The following STAB1 variants were observed in gnomAD, a reference collection of about 807,000 sequenced individuals.
STAB1 encodes the protein stabilin 1.
Under a neutral mutation model 332.4 loss-of-function variants are expected in STAB1, and 250 were observed. The observed-to-expected ratio is 0.75, with a 90% CI of 0.68 to 0.84. STAB1 has a LOEUF of 0.84. Among genes scored for constraint, STAB1 ranks in the 40% least tolerant of loss-of-function variants. The probability of loss-of-function intolerance (pLI) is 0.00; values close to 1 mark genes in which losing one functional copy is unlikely to be tolerated. For synonymous variants in STAB1, 1,475 were observed against 1,390.4 expected (o/e 1.06, Z -1.35); for missense variants, 3,249 against 3,489.7 (o/e 0.93, Z 1.74).
Position 52,504,509 on chromosome 3 carries a change from T to C in STAB1, c.1199T>C (p.Leu400Pro). 2.5e-6 allele frequency: 4 copies of C among 1,614,094 alleles called. No homozygotes were observed. The highest frequency in any genetic ancestry group is 3.4e-6 in the Non-Finnish European group (4 of 1,180,016). ...ACCACAGCGGGCCCTTTCACCGTGC[T>C]GGTGCCATCCGTCTCCTCCTTCTCC... is the stretch of plus-strand genomic sequence containing the variant. Reference protein sequence around the residue: ...ILTTAGPFTVLVPSVSSFSSR... With the variant: ...ILTTAGPFTVPVPSVSSFSSR... The change falls in exon 11 of 69, where the codon CTG (leucine) becomes CCG (proline). Residue 400 changes from leucine (L) to proline (P), a missense_variant. Leu to Pro is a moderately conservative substitution (Grantham distance 98, BLOSUM62 -3). Transcript: ENST00000321725.
In STAB1 at chr3:52,515,436, A is replaced by G; in HGVS notation, c.3878A>G (p.Lys1293Arg). 1 of 1,612,748 alleles carries G rather than the reference A, an allele frequency of 6.2e-7. No individual in the cohort carries two copies. The highest frequency in any genetic ancestry group is 1.7e-5 in the Admixed American group (1 of 60,022). The change falls in exon 37 of 69, where the codon AAG becomes AGG. Residue 1293 changes from lysine to arginine, a missense_variant. Coordinates refer to ENST00000321725, the MANE Select transcript of STAB1 (RefSeq NM_015136.3). The stretch of plus-strand genomic sequence containing the variant: ...CCCCGTTTCCAGGACACACCCAGGA[A>G]GAGCTGTGTCTACCGATCTGGCTTC... The part of the protein sequence containing the change: ...QGFQLQDTPR[K>R]SCVYRSGFSF...
Position 52,503,824 on chromosome 3 carries a change from C to T in STAB1, c.944C>T (p.Ala315Val), listed in dbSNP as rs376491747. The T allele has an allele frequency of 7.2e-5, 116 of 1,613,132 alleles. No homozygotes were observed. Among genetic ancestry groups the T allele is most frequent in the Non-Finnish European group, 9.2e-5 (109 of 1,180,036 alleles). ...GLVSINSNAS[A>V]GCFAFCSPFS... ...GTCAGCATCAACAGCAACGCTTCTG[C>T]GGGCTGCTTCGCCTTCTGCTCCCCC... The change falls in exon 9 of 69, where the codon GCG becomes GTG. Residue 315 changes from alanine to valine, a missense_variant. Coordinates refer to ENST00000321725, the MANE Select transcript of STAB1 (RefSeq NM_015136.3).
In STAB1 at chr3:52,524,245, G is replaced by A. The variant is rs550962280; in HGVS notation, c.7656+32G>A. 5.0e-6 allele frequency: 8 copies of A among 1,614,026 alleles called. No homozygotes were observed. In the African/African-American group the frequency reaches 6.7e-5, roughly 13 times the overall value. On this transcript the variant is annotated intron_variant, in intron 68 of 68. Coordinates refer to ENST00000321725, the MANE Select transcript of STAB1 (RefSeq NM_015136.3). ...ATGGAAGTGAAGAAGTGTGGCAGATGTGGGATGGGCCCAGGCCCTGGTCAC... is the reference window on the plus strand; with the variant it reads ...ATGGAAGTGAAGAAGTGTGGCAGATATGGGATGGGCCCAGGCCCTGGTCAC...
At chr3:52,517,253 G>A in intron 42 of STAB1, 67 bp from the exon 43 acceptor site, 1 of 1,494,554 alleles carries the variant, frequency 6.7e-7, no homozygotes, top group Non-Finnish European at 9.0e-7. Flanking sequence ...GACAGATGAA[G>A]GTACAAAGGA....
Position 52,523,299 on chromosome 3 carries a change from G to T in STAB1, c.7098G>T (p.Lys2366Asn), listed in dbSNP as rs1553681980. The T allele has an allele frequency of 6.2e-7, 1 of 1,612,384 alleles. No homozygotes were observed. The highest frequency in any genetic ancestry group is 8.5e-7 in the Non-Finnish European group (1 of 1,180,020). ...TCCTGGATGATGAGCTCACGTATAAGACACTCTTCGTCCCTGTCAATGAAG... is the reference window on the plus strand; with the variant it reads ...TCCTGGATGATGAGCTCACGTATAATACACTCTTCGTCCCTGTCAATGAAG... ...LDFLDDELTY[K>N]TLFVPVNEGF... The change falls in exon 64 of 69, where the codon AAG (lysine) becomes AAT (asparagine). Residue 2366 changes from lysine to asparagine, a missense_variant. Transcript: ENST00000321725.
chr3:52,507,425 A>G (rs1185852633), intron 18 of STAB1, among the ~76,000 whole-genome samples, 188 bp from the exon 19 acceptor site: 1 of 152,162 alleles, frequency 6.6e-6, no homozygotes, highest in Non-Finnish European at 1.5e-5. Flanking sequence ...GCTGTTTTCC[A>G]GAGACTCTAG....
At chr3:52,498,276 G>A (rs188672124) in intron 1 of STAB1, among the ~76,000 whole-genome samples, 21 of 152,340 alleles carry the variant, frequency 1.4e-4, no homozygotes, top group Middle Eastern at 3.4e-3. Context: ...GTGGGGTTGG[G>A]GGGGAGACAG....
Position 52,513,922 on chromosome 3 carries a change from G to A in STAB1, c.3388G>A (p.Gly1130Arg). The stretch of plus-strand genomic sequence containing the variant: ...CCGAGGGGATGTGCCCGGTGGGCAG[G>A]GGTTGCTGCAGCAGCTGGACTTGGT... ...PPRGDVPGGQ[G>R]LLQQLDLVPA... Residue 1130 changes from glycine to arginine, a missense_variant, in exon 32 of 69, where the codon GGG becomes AGG. Physicochemically the swap from Gly to Arg is moderately radical, Grantham distance 125. Transcript: ENST00000321725. 2.5e-6 allele frequency: 4 copies of A among 1,605,928 alleles called. No homozygotes were observed. Among genetic ancestry groups the A allele is most frequent in the Non-Finnish European group, 3.4e-6 (4 of 1,174,466 alleles).
At position 52,523,939 on chromosome 3, in the gene STAB1, A is replaced by G. The variant is rs1352665013; in HGVS notation, c.7464A>G (p.Ala2488=). 1.9e-6 allele frequency: 3 copies of G among 1,610,530 alleles called. No individual in the cohort carries two copies. In the South Asian group the frequency reaches 3.3e-5, roughly 18 times the overall value. Residue 2488 remains alanine, a synonymous_variant, in exon 67 of 69, where the codon GCA becomes GCG. Coordinates refer to ENST00000321725, the MANE Select transcript of STAB1 (RefSeq NM_015136.3). ...AGVGAVLAAG[A]LLGLVAGALY... is the part of the protein sequence containing the mutation. ...TGGGGGCTGTGCTTGCCGCTGGAGCACTGCTTGGCTTGGTGGCCGGAGCTC... is the reference window on the plus strand; with the variant it reads ...TGGGGGCTGTGCTTGCCGCTGGAGCGCTGCTTGGCTTGGTGGCCGGAGCTC...
intron 25 of STAB1, 22 bp from the exon 26 acceptor site, chr3:52,511,628 C>A: frequency 6.3e-7 from 1 of 1,594,730 alleles, no homozygotes. Context: ...GAGACAAGGC[C>A]GTCTGTTCCT....
At chr3:52,500,543 G>C (rs1201870938) in intron 1 of STAB1, among the ~76,000 whole-genome samples, 1 of 152,250 alleles carries the variant, frequency 6.6e-6, no homozygotes, top group Non-Finnish European at 1.5e-5. Flanking sequence ...TCATTTGGTA[G>C]CAACGTGGGA....
chr3:52,496,495 T>A (rs1708036247), intron 1 of STAB1, among the ~76,000 whole-genome samples: 1 of 152,206 alleles, frequency 6.6e-6, no homozygotes, highest in African/African-American at 2.4e-5. Flanking sequence ...TTCTCTTGGA[T>A]GCCTGTGGTC....
At position 52,515,495 on chromosome 3, in the gene STAB1, A is replaced by G. The variant is rs372233923; in HGVS notation, c.3937A>G (p.Lys1313Glu). 1 of 1,613,246 alleles carries G rather than the reference A, an allele frequency of 6.2e-7. No individual in the cohort carries two copies. Among genetic ancestry groups the G allele is most frequent in the Non-Finnish European group, 8.5e-7 (1 of 1,180,006 alleles). Reference protein sequence around the residue: ...FSRGCSYTCAKKIQVPDCCPG... With the variant: ...FSRGCSYTCAEKIQVPDCCPG... ...CCGGGGCTGCTCTTACACATGTGCC[A>G]AGAAGATCCAGGTTTGCCCTGAAGC... The change falls in exon 37 of 69, where the codon AAG (lysine) becomes GAG (glutamate). Residue 1313 changes from lysine to glutamate, a missense_variant. Coordinates refer to ENST00000321725, the MANE Select transcript of STAB1 (RefSeq NM_015136.3).
chr3:52,521,907 G>T lies in STAB1; in HGVS notation c.6227G>T (p.Cys2076Phe). The change falls in exon 58 of 69, where the codon TGT becomes TTT. Residue 2076 changes from cysteine to phenylalanine, a missense_variant. Physicochemically the swap from Cys to Phe is radical, Grantham distance 205. Coordinates refer to ENST00000321725, the MANE Select transcript of STAB1 (RefSeq NM_015136.3). Reference sequence around the variant, plus strand: ...GCTGTGTGCCGTGCAGGCAACAGCTGTGAGTGCAGCCTGGGCTATGAAGGG... The same window carrying T: ...GCTGTGTGCCGTGCAGGCAACAGCTTTGAGTGCAGCCTGGGCTATGAAGGG... ...PEAVCRAGNS[C>F]ECSLGYEGDG... 6.2e-7 allele frequency: 1 copy of T among 1,609,370 alleles called. No individual in the cohort carries two copies.
intron 37 of STAB1, 81 bp from the exon 38 acceptor site, chr3:52,515,962 G>T: frequency 6.9e-7 from 1 of 1,440,798 alleles, no homozygotes. Context: ...TGGCTCTGTG[G>T]CCCCGAGATG....
chr3:52,520,937 A>C lies in STAB1; in HGVS notation c.5840A>C (p.His1947Pro). 1 of 1,590,720 alleles carries C rather than the reference A, an allele frequency of 6.3e-7. No individual in the cohort carries two copies. Among genetic ancestry groups the C allele is most frequent in the Non-Finnish European group, 8.6e-7 (1 of 1,168,412 alleles). The change falls in exon 55 of 69, where the codon CAC becomes CCC. Residue 1947 changes from histidine (H) to proline (P), a missense_variant. Physicochemically the swap from His to Pro is moderately conservative, Grantham distance 77. Coordinates refer to ENST00000321725, the MANE Select transcript of STAB1 (RefSeq NM_015136.3). ...CCCCAAGGCCTGGGCAGGGGCTGCC[A>C]CCGCAATTGTGTCACCACCACCTGG... Reference protein sequence around the residue: ...GRPQGLGRGCHRNCVTTTWKP... With the variant: ...GRPQGLGRGCPRNCVTTTWKP...
intron 1 of STAB1, among the ~76,000 whole-genome samples, chr3:52,497,406 C>G (rs1195261871): frequency 6.9e-6 from 1 of 144,076 alleles, no homozygotes; most frequent in Non-Finnish European, 1.5e-5. Context: ...GAATTCGATG[C>G]CTTTTTTTTT....
intron 30 of STAB1, 124 bp downstream of exon 30, chr3:52,513,365 A>T: frequency 3.2e-6 from 3 of 931,104 alleles, no homozygotes; most frequent in Non-Finnish European, 4.8e-6. Flanking sequence ...CGCCCTGCCC[A>T]GAGCCGGGCT....
chr3:52,515,945 T>G, intron 37 of STAB1, 98 bp from the exon 38 acceptor site: 1 of 1,368,742 alleles, frequency 7.3e-7, no homozygotes, highest in Non-Finnish European at 9.8e-7. Flanking sequence ...TGAGGGGTTT[T>G]GCTCCATGGC....
Sources: gnomAD v4.1 joint callset for allele counts (sites outside exome capture counted in the v4.1 genomes callset) on GRCh38, gnomAD v4.1.1 for gene constraint, MANE v1.5 for transcripts, NCBI Gene and HGNC (gene_info 2026-07-23, HGNC 2026-07-21) for gene names.